The following SVIL variants were observed in gnomAD, a reference collection of about 807,000 sequenced individuals.
SVIL encodes archvillin.
SVIL carries 101 observed loss-of-function variants against 240.4 expected under a neutral mutation model. That is an observed-to-expected ratio of 0.42 (90% CI 0.36 to 0.50). The LOEUF (loss-of-function observed/expected upper bound fraction) is 0.50. SVIL is among the 20% of genes least tolerant of loss of function. The probability of loss-of-function intolerance (pLI) is 0.01; values close to 1 mark genes in which losing one functional copy is unlikely to be tolerated. For missense variants in SVIL, 2,512 were observed against 2,818.7 expected (o/e 0.89, Z 2.46); for synonymous variants, 999 against 1,100.0 (o/e 0.91, Z 1.82).
intron 3 of SVIL, among the ~76,000 whole-genome samples, chr10:29,561,337 C>T (rs1954453446): frequency 6.6e-6 from 1 of 151,950 alleles, no homozygotes; most frequent in Non-Finnish European, 1.5e-5. Context: ...CCTTAAGGAA[C>T]CCAGCATTTC....
chr10:29,611,604 G>A (rs907243652), intron 1 of SVIL, among the ~76,000 whole-genome samples: 2 of 152,198 alleles, frequency 1.3e-5, no homozygotes, highest in Non-Finnish European at 2.9e-5. Flanking sequence ...GCAAACCAAT[G>A]CCAAAGGTAA....
chr10:29,557,389 C>T (rs956281312), intron 3 of SVIL, among the ~76,000 whole-genome samples: 24 of 152,186 alleles, frequency 1.6e-4, no homozygotes, highest in African/African-American at 5.8e-4. Context: ...TGAGCCACCG[C>T]GCCTGGCCTA....
At chr10:29,651,636 C>CTCTCTCTA in intron 3 of SVIL, among the ~76,000 whole-genome samples, 1 of 151,752 alleles carries the variant, frequency 6.6e-6, no homozygotes, top group East Asian at 1.9e-4. Flanking sequence ...CTCTCTCTCT[C>CTCTCTCTA]TCTCTCTCTC....
intron 7 of SVIL, among the ~76,000 whole-genome samples, chr10:29,535,240 A>T (rs1951659190): frequency 7.1e-6 from 1 of 141,776 alleles, no homozygotes; most frequent in African/African-American, 2.5e-5. Flanking sequence ...CTTAGTTGTT[A>T]TTTTTCCCAG....
intron 3 of SVIL, among the ~76,000 whole-genome samples, chr10:29,648,239 A>G (rs1178182964): frequency 6.6e-6 from 1 of 152,152 alleles, no homozygotes. Flanking sequence ...AATTCTCCCG[A>G]AGGGTGGCTT....
chr10:29,669,302 C>T (rs995130974), intron 2 of SVIL, among the ~76,000 whole-genome samples: 1 of 152,106 alleles, frequency 6.6e-6, no homozygotes, highest in African/African-American at 2.4e-5. Context: ...GGGAGTATGA[C>T]TGGTCTGTGC....
In SVIL at chr10:29,523,931, G is replaced by A. The variant is rs753470696; in HGVS notation, c.2683C>T (p.Arg895Cys). The change falls in exon 15 of 38, where the codon CGC becomes TGC. Residue 895 changes from arginine to cysteine, a missense_variant. This residue lies in a region of SVIL where 1,443 missense variants were observed against 1,486.6 expected (regional missense o/e 0.97). Coordinates refer to ENST00000355867, the MANE Select transcript of SVIL (RefSeq NM_021738.3). The part of the protein sequence containing the change: ...TVAPMYAGDL[R>C]TKPPLDHNAS... ...TTGTGGTCAAGAGGTGGCTTTGTGC[G>A]AAGATCTCCGGCATACATTGGAGCA... 1.2e-5 allele frequency: 20 copies of A among 1,614,146 alleles called. No individual in the cohort carries two copies. The highest frequency in any genetic ancestry group is 2.2e-5 in the East Asian group (1 of 44,874).
intron 16 of SVIL, among the ~76,000 whole-genome samples, chr10:29,516,019 T>G (rs1394498736): frequency 2.0e-5 from 3 of 152,176 alleles, no homozygotes; most frequent in African/African-American, 7.2e-5. Context: ...GAGGTCACAC[T>G]GGATGTTAGT....
At chr10:29,547,144 T>C (rs1248536141) in intron 6 of SVIL, among the ~76,000 whole-genome samples, 1 of 152,216 alleles carries the variant, frequency 6.6e-6, no homozygotes, top group African/African-American at 2.4e-5. Context: ...AAAATGACTT[T>C]CTGAAAGTTG....
chr10:29,616,756 T>C (rs1159458582), intron 1 of SVIL, among the ~76,000 whole-genome samples: 4 of 152,196 alleles, frequency 2.6e-5, no homozygotes, highest in Non-Finnish European at 5.9e-5. Context: ...AGTCTGGCTC[T>C]GTCACACCCA....
chr10:29,564,354 T>C (rs1015136043), intron 2 of SVIL, among the ~76,000 whole-genome samples: 2 of 152,170 alleles, frequency 1.3e-5, no homozygotes, highest in Non-Finnish European at 1.5e-5. Context: ...CCAAGACTGC[T>C]GTGTACCCAA....
rs10160013 is a variant in SVIL, at chr10:29,550,858, A to G, written c.566T>C (p.Val189Ala). 428,317 of 1,613,786 alleles carry G rather than the reference A, an allele frequency of 0.27. 58,575 individuals carry two copies. The highest frequency in any genetic ancestry group is 0.41 in the African/African-American group (30,771 of 74,906). ...AGESKDYALHVGDGSSDPEVL... is the reference protein window; with the variant it reads ...AGESKDYALHAGDGSSDPEVL... ...CTCCGGGTCGGAAGAGCCGTCACCC[A>G]CATGGAGGGCATAGTCCTTGGATTC... Residue 189 changes from valine (V) to alanine (A), a missense_variant, in exon 6 of 38, where the codon GTG becomes GCG. Coordinates refer to ENST00000355867, the MANE Select transcript of SVIL (RefSeq NM_021738.3).
upstream of SVIL, among the ~76,000 whole-genome samples, chr10:29,635,988 C>A (rs1013988603): frequency 6.6e-6 from 1 of 152,136 alleles, no homozygotes; most frequent in Non-Finnish European, 1.5e-5. Flanking sequence ...CCCTACAGAA[C>A]AATGCCTCTC....
intron 9 of SVIL, 56 bp downstream of exon 9, chr10:29,531,946 A>T (rs1345874283): frequency 1.9e-6 from 3 of 1,590,068 alleles, no homozygotes; most frequent in Non-Finnish European, 1.7e-6. Context: ...GTGTGGTAAA[A>T]CTCCTGTGTC....
rs66616602 is a variant in SVIL at position 29,509,330 on chromosome 10, GGAGAGAGAGAGAGAGAGAGAGAGA to G, written c.3516+3381_3516+3404del. 4.5e-3 allele frequency among the ~76,000 whole-genome samples: 304 copies of G among 66,910 alleles called. 9 individuals carry two copies. In the South Asian group the frequency reaches 0.055, roughly 12 times the overall value. 43.9% of individuals were successfully genotyped at this position (66,910 alleles called of 152,430 possible). A position where few individuals can be genotyped will look rare whatever the true frequency, so the allele number is the denominator to read the frequency against. The stretch of plus-strand genomic sequence containing the variant: ...GAGAGAAAGGGAGAAGGAGGGGGAG[GGAGAGAGAGAGAGAGAGAGAGAGA>G]GAGAGAGAGAGAGAGAGAGAGAGAG... On this transcript the variant is annotated intron_variant, in intron 17 of 37. Coordinates refer to ENST00000355867, the MANE Select transcript of SVIL (RefSeq NM_021738.3).
At chr10:29,612,855 C>G (rs907977959) in intron 1 of SVIL, among the ~76,000 whole-genome samples, 1 of 152,088 alleles carries the variant, frequency 6.6e-6, no homozygotes, top group African/African-American at 2.4e-5. Context: ...AAGCTGATGG[C>G]TGGATGGCAC....
intron 1 of SVIL, among the ~76,000 whole-genome samples, chr10:29,604,906 G>A (rs1321986605): frequency 8.4e-6 from 1 of 119,218 alleles, no homozygotes; most frequent in African/African-American, 2.7e-5. Context: ...GTTTATGTGT[G>A]TACAGTATGG....
At chr10:29,635,710 C>G (rs1216122542), upstream of SVIL, among the ~76,000 whole-genome samples, 1 of 152,194 alleles carries the variant, frequency 6.6e-6, no homozygotes, top group South Asian at 2.1e-4. Flanking sequence ...TACACTCAAA[C>G]AAATATCACA....
chr10:29,579,939 C>T (rs191868971), intron 1 of SVIL, among the ~76,000 whole-genome samples: 8 of 152,180 alleles, frequency 5.3e-5, no homozygotes, highest in African/African-American at 9.6e-5. Flanking sequence ...TTAGTCTTCT[C>T]GGTGACTTAT....
Sources: allele counts gnomAD v4.1 joint callset (sites outside exome capture counted in the v4.1 genomes callset), GRCh38; gene constraint gnomAD v4.1.1; regional missense constraint gnomAD v4.1.1; transcripts MANE v1.5; gene names NCBI Gene and HGNC (gene_info 2026-07-23, HGNC 2026-07-21).